The following MAPK8IP1 variants were observed in gnomAD, a reference collection of about 807,000 sequenced individuals.
MAPK8IP1 encodes the protein mitogen-activated protein kinase 8 interacting protein 1.
In MAPK8IP1, 17 loss-of-function variants were observed where a neutral mutation model predicts 72.6. The observed-to-expected ratio is 0.23, with a 90% CI of 0.16 to 0.35. MAPK8IP1 has a LOEUF of 0.35. MAPK8IP1 is among the 10% of genes least tolerant of loss of function. The pLI, the probability that MAPK8IP1 is intolerant of heterozygous loss-of-function variation, is 1.00. For synonymous variants in MAPK8IP1, 401 were observed against 443.4 expected, an observed-to-expected ratio of 0.90 and a Z score of 1.20; for missense variants, 789 against 1,009.7, an observed-to-expected ratio of 0.78 and a Z score of 2.96.
At chr11:45,891,634 G>A (rs548769667) in intron 1 of MAPK8IP1, among the ~76,000 whole-genome samples, 10 of 152,310 alleles carry the variant, frequency 6.6e-5, no homozygotes, top group Non-Finnish European at 1.2e-4. Context: ...AGAAAAGAGC[G>A]CCCCAGATTC....
rs190683563 is a variant in MAPK8IP1, at chr11:45,895,113, G to A, written c.102-2972G>A. 8.2e-4 allele frequency among the ~76,000 whole-genome samples: 125 copies of A among 152,382 alleles called. 1 individual carries two copies. The highest frequency in any genetic ancestry group is 1.2e-3 in the Non-Finnish European group (85 of 68,038). ...GCCTTGCCTGCAGGCACAGGAACCT[G>A]CTGCTAGTGGAGAGCCTTGAGGGTT... On this transcript the variant is annotated intron_variant, in intron 1 of 11. Transcript: ENST00000241014.
At chr11:45,897,786 T>C (rs1330121038) in intron 1 of MAPK8IP1, among the ~76,000 whole-genome samples, 1 of 152,196 alleles carries the variant, frequency 6.6e-6, no homozygotes, top group Non-Finnish European at 1.5e-5. Context: ...CTCTGACCAG[T>C]TGGGCCTTCT....
chr11:45,901,444 C>T (rs2086652434), intron 3 of MAPK8IP1, among the ~76,000 whole-genome samples: 1 of 152,066 alleles, frequency 6.6e-6, no homozygotes, highest in African/African-American at 2.4e-5. Context: ...GATGATTCAT[C>T]CTGGTCCCCC....
chr11:45,905,474 A>C (rs1325439381), intron 11 of MAPK8IP1, among the ~76,000 whole-genome samples, 175 bp from the exon 12 acceptor site: 1 of 152,214 alleles, frequency 6.6e-6, no homozygotes, highest in Non-Finnish European at 1.5e-5. Context: ...TTCAACTGAC[A>C]TCTTACTGGG....
In MAPK8IP1 at chr11:45,902,212, G is replaced by C; in HGVS notation, c.604+151G>C. ...CGAGCCCATCCAGGGGCTGAGATCAGTGGTGGCATGAGTGAGTTGACTGGC... is the reference window on the plus strand; with the variant it reads ...CGAGCCCATCCAGGGGCTGAGATCACTGGTGGCATGAGTGAGTTGACTGGC... On this transcript the variant is annotated intron_variant, in intron 4 of 11. Transcript: ENST00000241014. This position sits in a 1 kb window ranked among gnomAD's most constrained non-coding sequence, Gnocchi z 9.3. 1 of 986,522 alleles carries C rather than the reference G, an allele frequency of 1.0e-6. No homozygotes were observed. Among genetic ancestry groups the C allele is most frequent in the Non-Finnish European group, 1.6e-6 (1 of 618,168 alleles). The allele number at this position is 986,522 out of a possible 1,614,324, so 61.1% of individuals were successfully genotyped here. A position where few individuals can be genotyped will look rare whatever the true frequency, so the allele number is the denominator to read the frequency against.
chr11:45,905,290 C>T (rs758264170), intron 11 of MAPK8IP1, 41 bp downstream of exon 11: 13 of 1,561,458 alleles, frequency 8.3e-6, no homozygotes, highest in African/African-American at 4.1e-5. Context: ...CGAGGGAGCA[C>T]GCCCAATCCC....
Position 45,902,468 on chromosome 11 carries a change from A to G in MAPK8IP1, c.701A>G (p.Asp234Gly), listed in dbSNP as rs1271200697. 1 of 1,602,380 alleles carries G rather than the reference A, an allele frequency of 6.2e-7. No individual in the cohort carries two copies. The highest frequency in any genetic ancestry group is 1.1e-5 in the South Asian group (1 of 89,662). The part of the protein sequence containing the change: ...APTTDRGTST[D>G]SPCRRSTATQ... ...ACCACAGATCGAGGCACCTCCACCG[A>G]CAGCCCTTGCCGCCGCAGCACAGCC... Residue 234 changes from aspartate to glycine, a missense_variant, in exon 5 of 12, where the codon GAC becomes GGC. Coordinates refer to ENST00000241014, the MANE Select transcript of MAPK8IP1 (RefSeq NM_005456.4). The surrounding 1 kb of genome is among the most constrained non-coding windows in gnomAD (Gnocchi z 9.3).
At chr11:45,891,696 T>C (rs557785617) in intron 1 of MAPK8IP1, among the ~76,000 whole-genome samples, 4 of 152,356 alleles carry the variant, frequency 2.6e-5, no homozygotes, top group Non-Finnish European at 4.4e-5. Context: ...CTGTGTGCAA[T>C]ATCATCCTGG....
chr11:45,893,251 T>TAA (rs1156588692), intron 1 of MAPK8IP1, among the ~76,000 whole-genome samples: 10 of 146,632 alleles, frequency 6.8e-5, no homozygotes, highest in Admixed American at 6.0e-4. Flanking sequence ...AATAGTCCGT[T>TAA]AGAAAGGGCA....
chr11:45,895,630 AAAAATATAT>A (rs1371591123), intron 1 of MAPK8IP1, among the ~76,000 whole-genome samples: 30 of 27,406 alleles, frequency 1.1e-3, no homozygotes, highest in African/African-American at 2.3e-3. Context: ...AAAAAAAAAA[AAAAATATAT>A]ATATATATAT....
rs1187532516 is a variant in MAPK8IP1 at position 45,903,799 on chromosome 11, GT to G, written c.1494-187del. 6.6e-6 allele frequency among the ~76,000 whole-genome samples: 1 copy of G among 152,170 alleles called. No homozygotes were observed. The highest frequency in any genetic ancestry group is 1.9e-4 in the East Asian group (1 of 5,188). On this transcript the variant is annotated intron_variant, in intron 6 of 11. Transcript: ENST00000241014. This position sits in a 1 kb window ranked among gnomAD's most constrained non-coding sequence, Gnocchi z 6.4. ...CTGCCCACACCCTCCCTTGGCCTGT[GT>G]TTCCTCGATGGCAGATGCATGTCTG...
chr11:45,899,901 G>C (rs971187924), intron 2 of MAPK8IP1, among the ~76,000 whole-genome samples: 3 of 152,176 alleles, frequency 2.0e-5, no homozygotes, highest in African/African-American at 7.2e-5. Context: ...AAGGAGTCCG[G>C]GGTGGGGACT....
In MAPK8IP1 at chr11:45,905,182, G is replaced by A. The variant is rs147235142; in HGVS notation, c.1996G>A (p.Asp666Asn). Reference sequence around the variant, plus strand: ...TGGGTTCATCACCAAGCACCCCGCCGACCACCGGTTTGCCTGCCACGTCTT... The same window carrying A: ...TGGGTTCATCACCAAGCACCCCGCCAACCACCGGTTTGCCTGCCACGTCTT... The part of the protein sequence containing the change: ...YFGFITKHPA[D>N]HRFACHVFVS... The change falls in exon 11 of 12, where the codon GAC (aspartate) becomes AAC (asparagine). Residue 666 changes from aspartate to asparagine, a missense_variant. Asp to Asn is a conservative substitution (Grantham distance 23, BLOSUM62 1). This residue lies in a region of MAPK8IP1 where 188 missense variants were observed against 293.3 expected (regional missense o/e 0.64). Coordinates refer to ENST00000241014, the MANE Select transcript of MAPK8IP1 (RefSeq NM_005456.4). 3.5e-5 allele frequency: 57 copies of A among 1,613,448 alleles called. No homozygotes were observed. In the African/African-American group the frequency reaches 5.1e-4, roughly 14 times the overall value.
rs1393532179 is a variant in MAPK8IP1, at chr11:45,885,906, C to T, written c.86C>T (p.Ser29Leu). The T allele has an allele frequency of 6.8e-7, 1 of 1,477,006 alleles. No individual in the cohort carries two copies. Among genetic ancestry groups the T allele is most frequent in the Non-Finnish European group, 9.0e-7 (1 of 1,110,462 alleles). 91.5% of individuals were successfully genotyped at this position (1,477,006 alleles called of 1,614,324 possible). ...ASPFLGLHIA[S>L]PPNFRLTHDI... ...CCGTTCCTGGGGCTGCACATCGCTT[C>T]GCCTCCCAATTTCAGGTGAGAGTCC... The change falls in exon 1 of 12, where the codon TCG (serine) becomes TTG (leucine). Residue 29 changes from serine to leucine, a missense_variant. Ser to Leu is a moderately radical substitution (Grantham distance 145). Coordinates refer to ENST00000241014, the MANE Select transcript of MAPK8IP1 (RefSeq NM_005456.4).
Position 45,905,048 on chromosome 11 carries a change from G to T in MAPK8IP1, c.1964+7G>T, listed in dbSNP as rs777432128. On this transcript the variant is annotated splice_region_variant and intron_variant, in intron 10 of 11. Transcript: ENST00000241014. Reference sequence around the variant, plus strand: ...ATCATCCAAAGAACAACAAGTAAGTGGGGGTGGGATGGCAGTGGAGGAGGC... The same window carrying T: ...ATCATCCAAAGAACAACAAGTAAGTTGGGGTGGGATGGCAGTGGAGGAGGC... 7 of 1,614,106 alleles carry T rather than the reference G, an allele frequency of 4.3e-6. No homozygotes were observed. Among genetic ancestry groups the T allele is most frequent in the Non-Finnish European group, 5.9e-6 (7 of 1,180,002 alleles).
intron 3 of MAPK8IP1, 31 bp from the exon 4 acceptor site, chr11:45,901,948 TC>T (rs1462823149): frequency 2.5e-6 from 4 of 1,568,844 alleles, no homozygotes; most frequent in Non-Finnish European, 3.5e-6. Flanking sequence ...GTTGACCACT[TC>T]CATCACAAGA....
In MAPK8IP1 at chr11:45,903,397, A is replaced by T; in HGVS notation, c.1450A>T (p.Ile484Phe). 6.2e-7 allele frequency: 1 copy of T among 1,613,664 alleles called. No homozygotes were observed. Among genetic ancestry groups the T allele is most frequent in the Non-Finnish European group, 8.5e-7 (1 of 1,180,014 alleles). ...GTCCTTCGGGCTGTTCTCCTGCATC[A>T]TCAACGGGGAGGAGCAGGAGCAGAC... Reference protein sequence around the residue: ...AESFGLFSCIINGEEQEQTHR... With the variant: ...AESFGLFSCIFNGEEQEQTHR... The change falls in exon 6 of 12, where the codon ATC becomes TTC. Residue 484 changes from isoleucine (I) to phenylalanine (F), a missense_variant. By Grantham distance (21) the Ile-to-Phe change is conservative. Around this residue, in one of 4 missense-constraint regions of MAPK8IP1, gnomAD observed 377 missense variants for 411.7 expected, o/e 0.92. Coordinates refer to ENST00000241014, the MANE Select transcript of MAPK8IP1 (RefSeq NM_005456.4). The surrounding 1 kb of genome is among the most constrained non-coding windows in gnomAD (Gnocchi z 6.4).
At chr11:45,887,449 A>T (rs1477895262) in intron 1 of MAPK8IP1, among the ~76,000 whole-genome samples, 1 of 152,104 alleles carries the variant, frequency 6.6e-6, no homozygotes, top group Non-Finnish European at 1.5e-5. Flanking sequence ...GAGGGTAGTG[A>T]CCTGCCCATT....
chr11:45,905,344 T>C, intron 11 of MAPK8IP1, 95 bp downstream of exon 11: 6 of 1,180,548 alleles, frequency 5.1e-6, no homozygotes, highest in Admixed American at 3.8e-5. Flanking sequence ...GCCCCTCGGT[T>C]TCCCCCGCAG....
Sources: gnomAD v4.1 joint callset for allele counts (sites outside exome capture counted in the v4.1 genomes callset) on GRCh38, gnomAD v4.1.1 for gene constraint, gnomAD v4.1.1 regional missense constraint, Gnocchi (gnomAD v3.1) non-coding constraint, MANE v1.5 for transcripts, NCBI Gene and HGNC (gene_info 2026-07-23, HGNC 2026-07-21) for gene names.